WWOX: variants seen among roughly 807,000 people sequenced by gnomAD.
The protein encoded by WWOX is WW domain-containing oxidoreductase.
In WWOX, 69 loss-of-function variants were observed where a neutral mutation model predicts 46.2. The ratio of observed to expected loss-of-function variants is 1.49; its 90% confidence interval spans 1.23 to 1.82. The LOEUF is 1.82. Among genes scored for constraint, WWOX ranks in the 40% most tolerant of loss-of-function variants. The pLI, the probability that WWOX is intolerant of heterozygous loss-of-function variation, is 0.00. For missense variants in WWOX, 919 were observed against 542.6 expected, an observed-to-expected ratio of 1.69 and a Z score of -6.89; for synonymous variants, 359 against 202.6, an observed-to-expected ratio of 1.77 and a Z score of -6.56.
intron 8 of WWOX, among the ~76,000 whole-genome samples, chr16:79,033,062 C>A (rs1338373631): frequency 6.6e-6 from 1 of 150,670 alleles, no homozygotes; most frequent in African/African-American, 2.4e-5. Context: ...AGGATAATGG[C>A]CTCCAGCTCC....
chr16:78,516,446 C>G (rs564335921), intron 8 of WWOX, among the ~76,000 whole-genome samples: 1 of 152,186 alleles, frequency 6.6e-6, no homozygotes, highest in African/African-American at 2.4e-5. Flanking sequence ...GATTTCTATT[C>G]ATTTTTAATT....
At chr16:78,887,147 A>C (rs2044481853) in intron 8 of WWOX, among the ~76,000 whole-genome samples, 1 of 140,498 alleles carries the variant, frequency 7.1e-6, no homozygotes, top group Admixed American at 7.3e-5. Context: ...TACCTAGTCT[A>C]GGGCTAGGTT....
At chr16:79,149,621 A>G (rs905563196) in intron 8 of WWOX, among the ~76,000 whole-genome samples, 10 of 152,214 alleles carry the variant, frequency 6.6e-5, no homozygotes, top group Non-Finnish European at 4.4e-5. Flanking sequence ...CTTTAGTTGC[A>G]TAAGAACCAA....
chr16:78,482,901 G>A (rs1471710997), intron 8 of WWOX, among the ~76,000 whole-genome samples: 2 of 152,138 alleles, frequency 1.3e-5, no homozygotes, highest in Admixed American at 6.5e-5. Flanking sequence ...CTGTTAAAAG[G>A]CATGAAAAAG....
At chr16:78,426,121 A>G (rs1165202661) in intron 7 of WWOX, among the ~76,000 whole-genome samples, 1 of 152,188 alleles carries the variant, frequency 6.6e-6, no homozygotes, top group Admixed American at 6.5e-5. Context: ...GCCAGTAATA[A>G]TCCTCCCCCG....
intron 8 of WWOX, among the ~76,000 whole-genome samples, chr16:78,723,987 C>G (rs529870649): frequency 6.6e-6 from 1 of 152,182 alleles, no homozygotes; most frequent in Non-Finnish European, 1.5e-5. Context: ...ATGGTACCCT[C>G]TGATTCAGGC....
At chr16:78,661,930 G>A (rs931596344) in intron 8 of WWOX, among the ~76,000 whole-genome samples, 1 of 152,182 alleles carries the variant, frequency 6.6e-6, no homozygotes, top group Non-Finnish European at 1.5e-5. Flanking sequence ...TGTGGTCTGA[G>A]CTACTCAGGA....
At chr16:78,832,993 A>T (rs1362976583) in intron 8 of WWOX, among the ~76,000 whole-genome samples, 1 of 150,846 alleles carries the variant, frequency 6.6e-6, no homozygotes, top group Non-Finnish European at 1.5e-5. Flanking sequence ...TTGGTGGGAT[A>T]TAGAAAAGCA....
intron 5 of WWOX, among the ~76,000 whole-genome samples, chr16:78,178,329 C>T (rs2035415868): frequency 6.6e-6 from 1 of 152,162 alleles, no homozygotes; most frequent in Non-Finnish European, 1.5e-5. Flanking sequence ...CTCAGCCAGC[C>T]TCTAGCCCAA....
intron 5 of WWOX, among the ~76,000 whole-genome samples, chr16:78,277,027 C>G (rs926242421): frequency 1.3e-5 from 2 of 152,162 alleles, no homozygotes; most frequent in African/African-American, 2.4e-5. Flanking sequence ...GGGAAACTTA[C>G]TCTAGTTCAT....
intron 5 of WWOX, among the ~76,000 whole-genome samples, chr16:78,351,533 C>T (rs2081183910): frequency 6.6e-6 from 1 of 152,180 alleles, no homozygotes; most frequent in Admixed American, 6.5e-5. Flanking sequence ...AGGAAGCAGG[C>T]TGCCTCTGTT....
intron 8 of WWOX, among the ~76,000 whole-genome samples, chr16:78,655,706 A>G (rs1177430005): frequency 1.3e-5 from 2 of 152,158 alleles, no homozygotes; most frequent in Admixed American, 1.3e-4. Flanking sequence ...TTAATTATTT[A>G]CTATTTCCTG....
At chr16:78,289,213 A>G (rs144713216) in intron 5 of WWOX, among the ~76,000 whole-genome samples, 1 of 152,278 alleles carries the variant, frequency 6.6e-6, no homozygotes, top group African/African-American at 2.4e-5. Context: ...CTGATGTTCA[A>G]GTTGAATAAA....
intron 8 of WWOX, among the ~76,000 whole-genome samples, chr16:78,922,797 C>T (rs1028695169): frequency 1.3e-5 from 2 of 152,166 alleles, no homozygotes; most frequent in African/African-American, 4.8e-5. Context: ...TCAGGAGTAA[C>T]TAAAGGAACT....
chr16:79,133,826 C>T lies in WWOX; in HGVS notation c.1057-77782C>T, dbSNP rs1225162244. Among the ~76,000 whole-genome samples the T allele has an allele frequency of 2.6e-5, 4 of 152,116 alleles. No individual in the cohort carries two copies. In the East Asian group the frequency reaches 7.7e-4, roughly 29 times the overall value. ...CAGGATGTAATGAAATGACATTGGT[C>T]AATCCTCAGTAAATGTTTTTTTCAA... On this transcript the variant is annotated intron_variant, in intron 8 of 8. Transcript: ENST00000566780.
At chr16:78,235,702 C>A (rs2037412111) in intron 5 of WWOX, among the ~76,000 whole-genome samples, 1 of 150,642 alleles carries the variant, frequency 6.6e-6, no homozygotes, top group Non-Finnish European at 1.5e-5. Context: ...ACAAGGCTTT[C>A]CAGCCAGGCC....
intron 8 of WWOX, among the ~76,000 whole-genome samples, chr16:78,693,817 C>T (rs372323120): frequency 1.3e-5 from 2 of 152,136 alleles, no homozygotes; most frequent in African/African-American, 4.8e-5. Flanking sequence ...TTTCATTCTT[C>T]ATGCTTGTAA....
At chr16:79,158,136 G>A (rs574680352) in intron 8 of WWOX, among the ~76,000 whole-genome samples, 29 of 152,300 alleles carry the variant, frequency 1.9e-4, no homozygotes, top group Non-Finnish European at 4.0e-4. Context: ...CCACAAGAGA[G>A]AAGTAGACAG....
intron 5 of WWOX, among the ~76,000 whole-genome samples, chr16:78,370,540 T>A (rs1012133687): frequency 1.3e-5 from 2 of 149,490 alleles, no homozygotes; most frequent in African/African-American, 4.9e-5. Flanking sequence ...GTTTCTATTC[T>A]TCTGTTCTGT....
Sources: allele counts gnomAD v4.1 joint callset (sites outside exome capture counted in the v4.1 genomes callset), GRCh38; gene constraint gnomAD v4.1.1; transcripts MANE v1.5; gene names NCBI Gene and HGNC (gene_info 2026-07-23, HGNC 2026-07-21).